Variants in MECOM observed in about 807,000 individuals in gnomAD.
MECOM encodes the protein histone-lysine N-methyltransferase MECOM.
In MECOM, 13 loss-of-function variants were observed where a neutral mutation model predicts 116.3. The ratio of observed to expected loss-of-function variants is 0.11; its 90% CI spans 0.07 to 0.18. MECOM has a LOEUF of 0.18. Ranked by LOEUF, MECOM falls within the 10% of genes least tolerant of loss-of-function variation. The pLI, the probability that MECOM is intolerant of heterozygous loss-of-function variation, is 1.00. For missense variants in MECOM, 1,299 were observed against 1,509.0 expected (o/e 0.86, Z 2.31); for synonymous variants, 528 against 535.2 (o/e 0.99, Z 0.19).
intron 1 of MECOM, among the ~76,000 whole-genome samples, chr3:169,652,017 T>C (rs1006141504): frequency 1.3e-5 from 2 of 152,142 alleles, no homozygotes; most frequent in African/African-American, 4.8e-5. Context: ...AAATATTGTG[T>C]ATAAGACAAT....
chr3:169,562,398 G>GGTGT (rs1762760957), intron 1 of MECOM, among the ~76,000 whole-genome samples: 1 of 152,056 alleles, frequency 6.6e-6, no homozygotes, highest in African/African-American at 2.4e-5. Flanking sequence ...CTTGCTGTGA[G>GGTGT]GTGTGGCATG....
At chr3:169,215,227 TC>T (rs1307438646) in intron 2 of MECOM, among the ~76,000 whole-genome samples, 1 of 137,500 alleles carries the variant, frequency 7.3e-6, no homozygotes, top group Non-Finnish European at 1.5e-5. Context: ...GTCTTTTTTT[TC>T]CCCCTCCTCT....
intron 1 of MECOM, among the ~76,000 whole-genome samples, chr3:169,513,153 C>T (rs1756190718): frequency 1.3e-5 from 2 of 152,236 alleles, no homozygotes; most frequent in African/African-American, 4.8e-5. Context: ...CAGGTGTGCA[C>T]CCCATAACAT....
At chr3:169,250,496 G>A (rs887285397) in intron 2 of MECOM, among the ~76,000 whole-genome samples, 3 of 152,214 alleles carry the variant, frequency 2.0e-5, no homozygotes, top group South Asian at 2.1e-4. Flanking sequence ...CTTGTTTCTC[G>A]AGCAATCATG....
intron 3 of MECOM, among the ~76,000 whole-genome samples, chr3:169,132,343 A>G (rs1178185908): frequency 6.6e-6 from 1 of 152,226 alleles, no homozygotes; most frequent in Non-Finnish European, 1.5e-5. Flanking sequence ...CTTTCTCCTG[A>G]GCAGCTTGGT....
intron 1 of MECOM, among the ~76,000 whole-genome samples, chr3:169,389,802 C>T (rs968405106): frequency 2.0e-5 from 3 of 152,216 alleles, no homozygotes; most frequent in African/African-American, 4.8e-5. Flanking sequence ...ATGGGACATT[C>T]TTATCTAAAT....
At chr3:169,131,823 T>C in intron 3 of MECOM, 26 of 741,558 alleles carry the variant, frequency 3.5e-5, no homozygotes, top group Non-Finnish European at 4.4e-5. Flanking sequence ...ATATCCTGTG[T>C]AATGTTTAAC....
At chr3:169,300,702 C>T (rs1000021701) in intron 2 of MECOM, among the ~76,000 whole-genome samples, 1 of 152,184 alleles carries the variant, frequency 6.6e-6, no homozygotes, top group Non-Finnish European at 1.5e-5. Context: ...TATCTTTGTG[C>T]CCTTTCTTTG....
intron 2 of MECOM, among the ~76,000 whole-genome samples, chr3:169,248,951 G>C (rs1306332058): frequency 6.6e-6 from 1 of 152,102 alleles, no homozygotes; most frequent in Non-Finnish European, 1.5e-5. Context: ...ACTCTGTTGG[G>C]ACAGCCCTAG....
Position 169,089,175 on chromosome 3 carries a change from T to C in MECOM, c.3410A>G (p.Glu1137Gly), listed in dbSNP as rs1309579551. The C allele has an allele frequency of 6.6e-7, 1 of 1,520,820 alleles. No homozygotes were observed. The highest frequency in any genetic ancestry group is 8.8e-7 in the Non-Finnish European group (1 of 1,137,982). 94.2% of individuals were successfully genotyped at this position (1,520,820 alleles called of 1,614,324 possible). The change falls in exon 16 of 17, where the codon GAG becomes GGG. Residue 1137 changes from glutamate (E) to glycine (G), a missense_variant. Glu to Gly is a moderately conservative substitution (Grantham distance 98). This residue lies in a region of MECOM where 273 missense variants were observed against 289.3 expected (regional missense o/e 0.94). Coordinates refer to ENST00000651503, the MANE Select transcript of MECOM (RefSeq NM_004991.4). ...AGAAAGTCCACTTTTATATTCTTCC[T>C]CTTTATACCTAAAATGAACCAACGA... The part of the protein sequence containing the change: ...SCKTSPVRYK[E>G]EEYKSGLSAL...
At chr3:169,439,027 G>A (rs928753255) in intron 1 of MECOM, among the ~76,000 whole-genome samples, 3 of 151,110 alleles carry the variant, frequency 2.0e-5, no homozygotes, top group Admixed American at 6.6e-5. Flanking sequence ...TTCATTTAGA[G>A]ATAGCATAAG....
At chr3:169,497,347 TC>T (rs199776447) in intron 1 of MECOM, among the ~76,000 whole-genome samples, 5,417 of 150,948 alleles carry the variant, frequency 0.036, 281 homozygotes, top group East Asian at 0.28. Flanking sequence ...TTTTTCTTTT[TC>T]TTTTTTTTTT....
At chr3:169,482,031 C>T (rs1179309641) in intron 1 of MECOM, among the ~76,000 whole-genome samples, 1 of 152,106 alleles carries the variant, frequency 6.6e-6, no homozygotes, top group Non-Finnish European at 1.5e-5. Context: ...AGGGAATATG[C>T]TATCTCTCTC....
intron 2 of MECOM, among the ~76,000 whole-genome samples, chr3:169,350,328 C>A (rs957431137): frequency 6.6e-6 from 1 of 151,964 alleles, no homozygotes; most frequent in Non-Finnish European, 1.5e-5. Context: ...GTAACTGACC[C>A]TTCTTGACCT....
At chr3:169,569,774 G>C (rs748519793) in intron 1 of MECOM, among the ~76,000 whole-genome samples, 1 of 152,058 alleles carries the variant, frequency 6.6e-6, no homozygotes, top group African/African-American at 2.4e-5. Context: ...TAAGTTCTTT[G>C]AAACTTATTT....
intron 2 of MECOM, among the ~76,000 whole-genome samples, chr3:169,178,632 A>G (rs1168100908): frequency 6.6e-6 from 1 of 152,208 alleles, no homozygotes; most frequent in Non-Finnish European, 1.5e-5. Flanking sequence ...CTTGAAAGCA[A>G]TAGTGCCCCC....
intron 2 of MECOM, among the ~76,000 whole-genome samples, chr3:169,170,720 G>T: frequency 6.6e-6 from 1 of 152,158 alleles, no homozygotes; most frequent in East Asian, 1.9e-4. Context: ...GGGAGAACTA[G>T]GTGTTCCCTC....
At chr3:169,573,547 T>A (rs139656873) in intron 1 of MECOM, among the ~76,000 whole-genome samples, 1 of 152,344 alleles carries the variant, frequency 6.6e-6, no homozygotes, top group Non-Finnish European at 1.5e-5. Context: ...GAATCCTTTT[T>A]TCTTTTCCTT....
chr3:169,575,395 T>C (rs1159850642), intron 1 of MECOM, among the ~76,000 whole-genome samples: 7 of 152,184 alleles, frequency 4.6e-5, no homozygotes, highest in Admixed American at 4.6e-4. Flanking sequence ...CCTGGGGGAC[T>C]GAAAAAGACC....
Sources: allele counts gnomAD v4.1 joint callset (sites outside exome capture counted in the v4.1 genomes callset), GRCh38; gene constraint gnomAD v4.1.1; regional missense constraint gnomAD v4.1.1; transcripts MANE v1.5; gene names NCBI Gene and HGNC (gene_info 2026-07-23, HGNC 2026-07-21).